PER1: variants seen among roughly 807,000 people sequenced by gnomAD.
PER1 encodes the protein period circadian regulator 1.
In PER1, 87 loss-of-function variants were observed where a neutral mutation model predicts 125.9. The observed-to-expected ratio is 0.69, with a 90% CI of 0.58 to 0.83. The LOEUF (loss-of-function observed/expected upper bound fraction) is 0.83, where lower values mean the gene tolerates loss of function less well. PER1 is among the 40% of genes least tolerant of loss of function. The pLI is 0.00. For synonymous variants in PER1, 801 were observed against 714.7 expected (o/e 1.12, Z -1.93); for missense variants, 1,775 against 1,722.8 (o/e 1.03, Z -0.54).
chr17:8,147,659 G>A lies in PER1; in HGVS notation c.1388+15C>T. On this transcript the variant is annotated intron_variant, in intron 11 of 22. Transcript: ENST00000317276. ...CCCTATCCCCAACGCCAGCTCGGGG[G>A]CATGGCCCACTTACGTGCGTACTTT... 1 of 1,613,852 alleles carries A rather than the reference G, an allele frequency of 6.2e-7. No individual in the cohort carries two copies. Among genetic ancestry groups the A allele is most frequent in the Non-Finnish European group, 8.5e-7 (1 of 1,179,978 alleles).
At chr17:8,146,787 GA>G (rs1206434248) in intron 14 of PER1, 22 bp from the exon 15 acceptor site, 1 of 1,607,260 alleles carries the variant, frequency 6.2e-7, no homozygotes, top group East Asian at 2.2e-5. Flanking sequence ...AGAGAAAGAG[GA>G]AAATAGCCTT....
Position 8,150,462 on chromosome 17 carries a change from G to A in PER1, c.245C>T (p.Ala82Val). Residue 82 changes from alanine to valine, a missense_variant, in exon 2 of 23, where the codon GCC becomes GTC. Transcript: ENST00000317276. The stretch of plus-strand genomic sequence containing the variant: ...GCTGCTCTCAGTGGTCTCCAGCAGG[G>A]CTGAGTCCTTGCCGTTGCCTGAGGA... ...SSSSGNGKDS[A>V]LLETTESSKS... The A allele has an allele frequency of 1.9e-6, 3 of 1,613,296 alleles. No individual in the cohort carries two copies. Among genetic ancestry groups the A allele is most frequent in the South Asian group, 2.2e-5 (2 of 91,062 alleles).
intron 8 of PER1, 94 bp from the exon 9 acceptor site, chr17:8,148,353 G>A: frequency 9.3e-7 from 1 of 1,079,756 alleles, no homozygotes; most frequent in Non-Finnish European, 1.4e-6. Context: ...CTGATGATCT[G>A]CCACACAGCT....
Position 8,149,174 on chromosome 17 carries a change from G to A in PER1, c.905+85C>T, listed in dbSNP as rs568202601. 57 of 1,246,142 alleles carry A rather than the reference G, an allele frequency of 4.6e-5. No individual in the cohort carries two copies. In the Middle Eastern group the frequency reaches 3.0e-3, roughly 66 times the overall value. 77.2% of individuals were successfully genotyped at this position (1,246,142 alleles called of 1,614,324 possible). On this transcript the variant is annotated intron_variant, in intron 7 of 22. Transcript: ENST00000317276. ...ACCGCAGTCCAGCCTGGGTGACAGA[G>A]TGAGACTCCCTTTCAAAAAGCAAAA... is the stretch of plus-strand genomic sequence containing the variant.
chr17:8,145,719 C>G (rs1348602995), intron 17 of PER1, among the ~76,000 whole-genome samples: 3 of 152,182 alleles, frequency 2.0e-5, no homozygotes, highest in African/African-American at 7.2e-5. Context: ...CAGGGCAAAC[C>G]CTCTATCCCA....
rs762681477 is a variant in PER1, at chr17:8,143,407, T to C, written c.2931A>G (p.Arg977=). The change falls in exon 19 of 23, where the codon AGA becomes AGG. Residue 977 remains arginine (R), a synonymous_variant. Transcript: ENST00000317276. ...GATTGAGCTGGAGTGGAGAGCTGCA[T>C]CTCGAGTTGAACAGTGGAGAGTCCG... is the stretch of plus-strand genomic sequence containing the variant. The part of the protein sequence containing the change: ...HRPDSPLFNS[R]CSSPLQLNLL... The C allele has an allele frequency of 6.2e-7, 1 of 1,613,252 alleles. No homozygotes were observed.
At chr17:8,151,659 C>T (rs1218034533) in intron 1 of PER1, among the ~76,000 whole-genome samples, 1 of 152,188 alleles carries the variant, frequency 6.6e-6, no homozygotes, top group Non-Finnish European at 1.5e-5. Context: ...TCTTTAGCCC[C>T]TGCGCTGCTT....
intron 18 of PER1, chr17:8,144,178 T>C (rs1461017378): frequency 1.1e-5 from 5 of 439,544 alleles, no homozygotes; most frequent in African/African-American, 2.0e-5. Context: ...GGTGAGTCCA[T>C]GGACACATGG....
Position 8,141,232 on chromosome 17 carries a change from C to T in PER1, c.3709G>A (p.Glu1237Lys), listed in dbSNP as rs201015773. ...GLEPMEEGGGEQGSSGGGSGE... is the reference protein window; with the variant it reads ...GLEPMEEGGGKQGSSGGGSGE... Reference sequence around the variant, plus strand: ...CTGCCGCCACCGCTGCTGCCCTGCTCGCCTCCACCCTCTTCCATGGGCTCC... The same window carrying T: ...CTGCCGCCACCGCTGCTGCCCTGCTTGCCTCCACCCTCTTCCATGGGCTCC... Residue 1237 changes from glutamate (E) to lysine (K), a missense_variant, in exon 23 of 23, where the codon GAG becomes AAG. Transcript: ENST00000317276. 10 of 1,614,186 alleles carry T rather than the reference C, an allele frequency of 6.2e-6. No individual in the cohort carries two copies. Among genetic ancestry groups the T allele is most frequent in the Admixed American group, 3.3e-5 (2 of 60,034 alleles).
At chr17:8,149,734 A>G (rs1426626041) in intron 5 of PER1, 21 bp downstream of exon 5, 1 of 1,612,794 alleles carries the variant, frequency 6.2e-7, no homozygotes, top group Non-Finnish European at 8.5e-7. Context: ...GTCGGGATGC[A>G]GAGGCCAGGC....
In PER1 at chr17:8,150,629, T is replaced by C; in HGVS notation, c.78A>G (p.Pro26=). Residue 26 remains proline (P), a synonymous_variant, in exon 2 of 23, where the codon CCA becomes CCG. Coordinates refer to ENST00000317276, the MANE Select transcript of PER1 (RefSeq NM_002616.3). ...GCCGGTGCTGTGGGGGCCCAGGGGA[T>C]GGGACGCCCCCAGGACAAAATGATT... is the stretch of plus-strand genomic sequence containing the variant. ...PGESFCPGGV[P]SPGPPQHRPC... is the part of the protein sequence containing the mutation. The C allele has an allele frequency of 6.2e-7, 1 of 1,612,360 alleles. No individual in the cohort carries two copies. The highest frequency in any genetic ancestry group is 2.2e-5 in the East Asian group (1 of 44,874).
Position 8,140,495 on chromosome 17 carries a change from A to G in PER1, c.*573T>C. 4.7e-6 allele frequency: 1 copy of G among 211,794 alleles called. No individual in the cohort carries two copies. Among genetic ancestry groups the G allele is most frequent in the Non-Finnish European group, 9.6e-6 (1 of 104,178 alleles). The allele number at this position is 211,794 out of a possible 1,614,324, so 13.1% of individuals were successfully genotyped here. ...TGGGCGTTTTTATCTTTTTGTATTA[A>G]AAAAGTAGTAACAGACACAAATATC... is the stretch of plus-strand genomic sequence containing the variant. On this transcript the variant is annotated 3_prime_UTR_variant, in exon 23 of 23. Transcript: ENST00000317276.
intron 10 of PER1, 24 bp downstream of exon 10, chr17:8,147,973 G>T: frequency 6.3e-7 from 1 of 1,599,082 alleles, no homozygotes; most frequent in Non-Finnish European, 8.5e-7. Context: ...AGTGGGAAGG[G>T]CGAGCAGGGC....
At position 8,142,330 on chromosome 17, in the gene PER1, T is replaced by C. The variant is rs1308414371; in HGVS notation, c.3388A>G (p.Ile1130Val). 8 of 1,613,618 alleles carry C rather than the reference T, an allele frequency of 5.0e-6. No individual in the cohort carries two copies. In the South Asian group the frequency reaches 5.5e-5, roughly 11 times the overall value. ...TCAGCATTGGCCATGAGCAGCCAAA[T>C]GGGATCCTGGAGCACGTACTTAATC... ...QVIKYVLQDP[I>V]WLLMANADQR... The change falls in exon 21 of 23, where the codon ATT (isoleucine) becomes GTT (valine). Residue 1130 changes from isoleucine (I) to valine (V), a missense_variant. Physicochemically the swap from Ile to Val is conservative, Grantham distance 29. Coordinates refer to ENST00000317276, the MANE Select transcript of PER1 (RefSeq NM_002616.3).
chr17:8,144,947 G>A lies in PER1; in HGVS notation c.2265C>T (p.Ala755=), dbSNP rs755511854. 7.3e-6 allele frequency: 11 copies of A among 1,515,608 alleles called. No individual in the cohort carries two copies. The highest frequency in any genetic ancestry group is 9.7e-6 in the Non-Finnish European group (11 of 1,132,444). The allele number at this position is 1,515,608 out of a possible 1,614,324, so 93.9% of individuals were successfully genotyped here. ...EDLPGLAPGP[A]PSPAPSPTVA... The stretch of plus-strand genomic sequence containing the variant: ...CTGTGGGGCTGGGGGCTGGGCTGGG[G>A]GCTGGGCCTGGGGCTAGGCCAGGCA... Residue 755 remains alanine, a synonymous_variant, in exon 18 of 23, where the codon GCC becomes GCT. Transcript: ENST00000317276.
Position 8,147,387 on chromosome 17 carries a change from G to A in PER1, c.1498-6C>T. 1.9e-6 allele frequency: 3 copies of A among 1,613,662 alleles called. No individual in the cohort carries two copies. Among genetic ancestry groups the A allele is most frequent in the Non-Finnish European group, 2.5e-6 (3 of 1,179,896 alleles). ...GGGCTGGGGCTGTGGACGGGCTGCA[G>A]CAGGGAGAGGGCAGGTTAGATGGCT... On this transcript the variant is annotated splice_region_variant and splice_polypyrimidine_tract_variant and intron_variant, in intron 12 of 22. Transcript: ENST00000317276.
chr17:8,143,600 G>T lies in PER1; in HGVS notation c.2738C>A (p.Pro913His). 1 of 1,460,860 alleles carries T rather than the reference G, an allele frequency of 6.8e-7. No individual in the cohort carries two copies. Among genetic ancestry groups the T allele is most frequent in the South Asian group, 1.4e-5 (1 of 70,138 alleles). The allele number at this position is 1,460,860 out of a possible 1,614,324, so 90.5% of individuals were successfully genotyped here. The change falls in exon 19 of 23, where the codon CCT becomes CAT. Residue 913 changes from proline (P) to histidine (H), a missense_variant. Coordinates refer to ENST00000317276, the MANE Select transcript of PER1 (RefSeq NM_002616.3). ...TSVPPAAFPA[P>H]LVTPMVALVL... ...CAAGGCCACCATTGGGGTCACCAAAGGGGCGGGGAAAGCAGCTGGGGGCAC... is the reference window on the plus strand; with the variant it reads ...CAAGGCCACCATTGGGGTCACCAAATGGGCGGGGAAAGCAGCTGGGGGCAC...
chr17:8,150,247 G>T lies in PER1; in HGVS notation c.346C>A (p.Gln116Lys). Residue 116 changes from glutamine (Q) to lysine (K), a missense_variant, in exon 3 of 23, where the codon CAG becomes AAG. By Grantham distance (53) the Gln-to-Lys change is moderately conservative. Coordinates refer to ENST00000317276, the MANE Select transcript of PER1 (RefSeq NM_002616.3). The stretch of plus-strand genomic sequence containing the variant: ...CAGCCACTGGTGGACGGGTTGTCCT[G>T]CTCTGAGCTGGCACTCAGGAGGCTG... The part of the protein sequence containing the change: ...AYSLLSASSE[Q>K]DNPSTSGCSS... The T allele has an allele frequency of 6.3e-7, 1 of 1,577,222 alleles. No individual in the cohort carries two copies. The highest frequency in any genetic ancestry group is 8.6e-7 in the Non-Finnish European group (1 of 1,158,092).
Position 8,146,433 on chromosome 17 carries a change from G to C in PER1, c.1977C>G (p.Thr659=), listed in dbSNP as rs761345135. 1.2e-6 allele frequency: 2 copies of C among 1,613,752 alleles called. No homozygotes were observed. Among genetic ancestry groups the C allele is most frequent in the Non-Finnish European group, 1.7e-6 (2 of 1,179,924 alleles). The change falls in exon 16 of 23, where the codon ACC becomes ACG. Residue 659 remains threonine, a synonymous_variant. Coordinates refer to ENST00000317276, the MANE Select transcript of PER1 (RefSeq NM_002616.3). ...GCCTGTCGTCGTCAGAGGCTGAGGAGGTGGTATAGGAGGAGGAGGAGGCAC... is the reference window on the plus strand; with the variant it reads ...GCCTGTCGTCGTCAGAGGCTGAGGACGTGGTATAGGAGGAGGAGGAGGCAC... ...RKCASSSSYT[T]SSASDDDRQR...
Sources: gnomAD v4.1 joint callset for allele counts (sites outside exome capture counted in the v4.1 genomes callset) on GRCh38, gnomAD v4.1.1 for gene constraint, MANE v1.5 for transcripts, NCBI Gene and HGNC (gene_info 2026-07-23, HGNC 2026-07-21) for gene names.